The following RNF14 variants were observed in gnomAD, a reference collection of about 807,000 sequenced individuals.
The protein encoded by RNF14 is ring finger protein 14.
RNF14 carries 26 observed loss-of-function variants against 52.6 expected under a neutral mutation model. The observed-to-expected ratio is 0.49, with a 90% CI of 0.36 to 0.69. RNF14 has a LOEUF of 0.69. Among genes scored for constraint, RNF14 ranks in the 30% least tolerant of loss-of-function variants. The pLI, the probability that RNF14 is intolerant of heterozygous loss-of-function variation, is 0.00. For synonymous variants in RNF14, 194 were observed against 202.0 expected, an observed-to-expected ratio of 0.96 and a Z score of 0.34; for missense variants, 404 against 560.4, an observed-to-expected ratio of 0.72 and a Z score of 2.82.
upstream of RNF14, chr5:141,956,036 G>A: frequency 3.1e-6 from 5 of 1,614,152 alleles, no homozygotes; most frequent in African/African-American, 1.3e-5. Context: ...GCCAGTGGAG[G>A]TGTGTCAGTG....
At chr5:141,967,623 G>C (rs972735221), upstream of RNF14, among the ~76,000 whole-genome samples, 39 of 152,210 alleles carry the variant, frequency 2.6e-4, no homozygotes, top group African/African-American at 9.4e-4. Flanking sequence ...GGCAATGGTG[G>C]TAAAAGCTTT....
intron 2 of RNF14, among the ~76,000 whole-genome samples, chr5:141,973,195 G>A (rs561609287): frequency 1.1e-4 from 17 of 150,118 alleles, no homozygotes; most frequent in Middle Eastern, 6.9e-3. Context: ...CTTTGCAGTT[G>A]TTTTTTGTGC....
At chr5:141,959,575 A>G (rs1379891173) in intron 1 of RNF14, among the ~76,000 whole-genome samples, 1 of 152,176 alleles carries the variant, frequency 6.6e-6, no homozygotes, top group East Asian at 1.9e-4. Flanking sequence ...CAGAGATGCC[A>G]TGTTTGGACC....
intron 7 of RNF14, among the ~76,000 whole-genome samples, chr5:141,983,836 A>G (rs956575982): frequency 2.0e-5 from 3 of 152,038 alleles, no homozygotes; most frequent in Non-Finnish European, 2.9e-5. Context: ...GCTATGGTCA[A>G]CTCTTACCTC....
chr5:141,951,346 G>T, the RNF14 span: 1 of 643,014 alleles, frequency 1.6e-6, no homozygotes, highest in East Asian at 2.7e-5. Flanking sequence ...AAAACTCCCA[G>T]GGTGGGAGGA....
Position 141,969,135 on chromosome 5 carries a change from C to T in RNF14, c.-213C>T, listed in dbSNP as rs1414593551. The T allele has an allele frequency of 6.6e-6, 1 of 152,460 alleles. No homozygotes were observed. The highest frequency in any genetic ancestry group is 2.4e-5 in the African/African-American group (1 of 41,436). The allele number at this position is 152,460 out of a possible 1,614,324, so 9.4% of individuals were successfully genotyped here. A position where few individuals can be genotyped will look rare whatever the true frequency, so the allele number is the denominator to read the frequency against. ...CGGAAGAGGCGGCGCGCCGGTTGAG[C>T]AGGGCGTCTCTAGGCCTGGTCGGCT... On this transcript the variant is annotated 5_prime_UTR_variant, in exon 1 of 9. Transcript: ENST00000394520.
At chr5:141,956,998 T>G, upstream of RNF14, 1 of 1,614,196 alleles carries the variant, frequency 6.2e-7, no homozygotes, top group Non-Finnish European at 8.5e-7. Context: ...AGGCATGTGC[T>G]TACTGAGGAA....
chr5:141,965,448 T>G (rs1753323865), upstream of RNF14, among the ~76,000 whole-genome samples: 1 of 152,224 alleles, frequency 6.6e-6, no homozygotes, highest in South Asian at 2.1e-4. Context: ...GAGTTGGGTC[T>G]CTTTCTCTGT....
chr5:141,983,761 G>A (rs985526640), intron 7 of RNF14, among the ~76,000 whole-genome samples: 3 of 151,984 alleles, frequency 2.0e-5, no homozygotes, highest in African/African-American at 7.3e-5. Flanking sequence ...TTTGCTTACA[G>A]TGACCATTGT....
At chr5:141,955,416 C>T (rs1177775212), upstream of RNF14, 6 of 1,613,990 alleles carry the variant, frequency 3.7e-6, no homozygotes, top group Admixed American at 1.7e-5. The surrounding 1 kb of genome is among the most constrained non-coding windows in gnomAD (Gnocchi z 5.5). Context: ...AGGGGGCCTG[C>T]AGGCAGGGGT....
chr5:141,964,354 G>A (rs1753299618), upstream of RNF14, among the ~76,000 whole-genome samples: 1 of 152,194 alleles, frequency 6.6e-6, no homozygotes, highest in African/African-American at 2.4e-5. Context: ...AATTGCCTGG[G>A]TTCAGGGATT....
upstream of RNF14, chr5:141,955,151 G>A (rs142096693): frequency 6.2e-7 from 1 of 1,614,082 alleles, no homozygotes; most frequent in African/African-American, 1.3e-5. The surrounding 1 kb of genome is among the most constrained non-coding windows in gnomAD (Gnocchi z 5.5). Context: ...GGTGGCCTCT[G>A]TGGGGCTTCC....
chr5:141,951,850 C>T, the RNF14 span, among the ~76,000 whole-genome samples: 2 of 152,232 alleles, frequency 1.3e-5, no homozygotes, highest in South Asian at 2.1e-4. Flanking sequence ...CCCTCATACT[C>T]ATTCCTCCGA....
At chr5:141,970,915 TTAGA>T (rs986214496) in intron 2 of RNF14, 38 bp downstream of exon 2, 3 of 152,334 alleles carry the variant, frequency 2.0e-5, no homozygotes, top group African/African-American at 4.8e-5. Flanking sequence ...TAATTGTGTC[TTAGA>T]TAGGGATGCA....
rs538009365 is a variant in RNF14 at position 141,978,862 on chromosome 5, T to TA, written c.834+34dup. 695 of 1,597,026 alleles carry TA rather than the reference T, an allele frequency of 4.4e-4. 1 individual carries two copies. The East Asian group carries it at 0.01, about 23-fold the overall frequency. On this transcript the variant is annotated intron_variant, in intron 5 of 8. Transcript: ENST00000394520. ...GTTTACCCTGCTGATGGTTGCCTCC[T>TA]AATTCTCTTCCATAAATGGAGATAT...
chr5:141,955,854 G>A (rs1408239190), upstream of RNF14: 1 of 1,614,024 alleles, frequency 6.2e-7, no homozygotes, highest in African/African-American at 1.3e-5. The surrounding 1 kb of genome is among the most constrained non-coding windows in gnomAD (Gnocchi z 5.5). Context: ...CACTCCCAAT[G>A]AGGCTGCTGG....
chr5:141,977,066 C>T (rs1333764050), intron 4 of RNF14, among the ~76,000 whole-genome samples: 1 of 152,232 alleles, frequency 6.6e-6, no homozygotes, highest in South Asian at 2.1e-4. Flanking sequence ...TCTGGGATTA[C>T]AGGCATGAGC....
chr5:141,980,810 T>C (rs930334696), intron 6 of RNF14, among the ~76,000 whole-genome samples: 18 of 152,220 alleles, frequency 1.2e-4, no homozygotes, highest in African/African-American at 4.3e-4. Context: ...TATACAAACA[T>C]GGAATAATGT....
upstream of RNF14, chr5:141,968,894 G>T (rs1342336958): frequency 3.9e-5 from 6 of 152,190 alleles, no homozygotes; most frequent in Admixed American, 2.6e-4. Flanking sequence ...GTAAAAATTC[G>T]AATTCTCGGG....
Sources: gnomAD v4.1 joint callset for allele counts (sites outside exome capture counted in the v4.1 genomes callset) on GRCh38, gnomAD v4.1.1 for gene constraint, Gnocchi (gnomAD v3.1) non-coding constraint, MANE v1.5 for transcripts, NCBI Gene and HGNC (gene_info 2026-07-23, HGNC 2026-07-21) for gene names.